CDYL2: variants seen among roughly 807,000 people sequenced by gnomAD.
CDYL2 encodes the protein chromodomain Y like 2.
Under a neutral mutation model 49.4 loss-of-function variants are expected in CDYL2, and 23 were observed. The observed-to-expected ratio is 0.47, with a 90% CI of 0.34 to 0.66. CDYL2 has a LOEUF of 0.66. CDYL2 is among the 30% of genes least tolerant of loss of function. The pLI, the probability that CDYL2 is intolerant of heterozygous loss-of-function variation, is 0.01. For missense variants in CDYL2, 678 were observed against 656.4 expected, an observed-to-expected ratio of 1.03 and a Z score of -0.36; for synonymous variants, 360 against 268.8, an observed-to-expected ratio of 1.34 and a Z score of -3.32.
chr16:80,780,397 CTT>C (rs1022730941), intron 1 of CDYL2, among the ~76,000 whole-genome samples: 8 of 105,346 alleles, frequency 7.6e-5, no homozygotes, highest in East Asian at 5.3e-4. Context: ...TGCACAATAT[CTT>C]TTTTTTTTTT....
intron 2 of CDYL2, among the ~76,000 whole-genome samples, chr16:80,637,315 A>T (rs1013008081): frequency 6.6e-6 from 1 of 152,226 alleles, no homozygotes; most frequent in Non-Finnish European, 1.5e-5. Context: ...CTTAGCGGTG[A>T]GAAATGGATG....
intron 1 of CDYL2, among the ~76,000 whole-genome samples, chr16:80,694,911 G>C (rs771419387): frequency 6.6e-6 from 1 of 152,166 alleles, no homozygotes; most frequent in Non-Finnish European, 1.5e-5. Context: ...TATCAAAAGG[G>C]CCAAATGAAA....
At chr16:80,674,175 C>T (rs1018515553) in intron 2 of CDYL2, among the ~76,000 whole-genome samples, 4 of 152,208 alleles carry the variant, frequency 2.6e-5, no homozygotes, top group Admixed American at 2.0e-4. Flanking sequence ...CGATTTCCCA[C>T]ATGGGAGCCT....
chr16:80,646,894 A>AG (rs895400465), intron 2 of CDYL2, among the ~76,000 whole-genome samples: 1 of 151,038 alleles, frequency 6.6e-6, no homozygotes, highest in African/African-American at 2.4e-5. Flanking sequence ...AATAGACTGA[A>AG]AAAAAAAAAG....
chr16:80,725,351 C>T (rs1182682550), intron 1 of CDYL2, among the ~76,000 whole-genome samples: 1 of 152,110 alleles, frequency 6.6e-6, no homozygotes, highest in Non-Finnish European at 1.5e-5. Context: ...CTTTTCTATC[C>T]CTTTACAACA....
intron 1 of CDYL2, among the ~76,000 whole-genome samples, chr16:80,764,264 G>C (rs959429287): frequency 2.0e-5 from 3 of 152,154 alleles, no homozygotes; most frequent in African/African-American, 4.8e-5. Context: ...AAACAGTAGA[G>C]AGTACCTAAG....
chr16:80,682,561 C>T (rs907343886), intron 2 of CDYL2, among the ~76,000 whole-genome samples: 1 of 152,194 alleles, frequency 6.6e-6, no homozygotes, highest in Non-Finnish European at 1.5e-5. Flanking sequence ...TTCTCTCCTT[C>T]ACACTGCAGA....
chr16:80,660,038 C>T (rs1431206466), intron 2 of CDYL2, among the ~76,000 whole-genome samples: 1 of 151,880 alleles, frequency 6.6e-6, no homozygotes, highest in African/African-American at 2.4e-5. Context: ...AAATGAGCTA[C>T]TATTCATCAA....
chr16:80,767,703 C>A (rs539314356), intron 1 of CDYL2, among the ~76,000 whole-genome samples: 7 of 152,278 alleles, frequency 4.6e-5, no homozygotes, highest in African/African-American at 1.7e-4. Flanking sequence ...TCTATGCAGT[C>A]ACAGGATGCT....
chr16:80,792,842 C>A (rs1907652980), intron 1 of CDYL2, among the ~76,000 whole-genome samples: 1 of 152,178 alleles, frequency 6.6e-6, no homozygotes, highest in South Asian at 2.1e-4. Context: ...GGTAACTACT[C>A]CGCCCAAGTC....
chr16:80,623,420 C>T (rs1429588370), intron 3 of CDYL2, among the ~76,000 whole-genome samples: 2 of 151,560 alleles, frequency 1.3e-5, no homozygotes, highest in African/African-American at 2.4e-5. Context: ...GCAAGATGTC[C>T]CCGTTTATAT....
At chr16:80,665,415 C>G (rs891688339) in intron 2 of CDYL2, among the ~76,000 whole-genome samples, 1 of 150,258 alleles carries the variant, frequency 6.7e-6, no homozygotes, top group African/African-American at 2.5e-5. Flanking sequence ...CTGGCACACA[C>G]GAGGGCTCAA....
At position 80,746,419 on chromosome 16, in the gene CDYL2, T is replaced by C. The variant is rs74410175; in HGVS notation, c.24+57731A>G. Among the ~76,000 whole-genome samples, 1,381 of 152,318 alleles carry C rather than the reference T, an allele frequency of 9.1e-3. 27 individuals are homozygous for C. Among genetic ancestry groups the C allele is most frequent in the African/African-American group, 0.031 (1,277 of 41,558 alleles). On this transcript the variant is annotated intron_variant, in intron 1 of 6. Transcript: ENST00000570137. Reference sequence around the variant, plus strand: ...ATGTTCCATTTGGCACCGACTCCAGTAGTGACCTCTTGTTCTCTTCTTACA... The same window carrying C: ...ATGTTCCATTTGGCACCGACTCCAGCAGTGACCTCTTGTTCTCTTCTTACA...
At chr16:80,671,884 G>T (rs192469281) in intron 2 of CDYL2, among the ~76,000 whole-genome samples, 1 of 152,140 alleles carries the variant, frequency 6.6e-6, no homozygotes, top group African/African-American at 2.4e-5. Flanking sequence ...AGAAAAAAAT[G>T]AAAGAAAACC....
intron 2 of CDYL2, chr16:80,671,080 G>A (rs973549195): frequency 2.5e-5 from 11 of 442,552 alleles, no homozygotes; most frequent in African/African-American, 4.1e-5. Flanking sequence ...CTCTCCTGCC[G>A]CAGCCCCTAC....
At chr16:80,692,805 G>C (rs1403622202) in intron 1 of CDYL2, among the ~76,000 whole-genome samples, 1 of 152,152 alleles carries the variant, frequency 6.6e-6, no homozygotes, top group Admixed American at 6.5e-5. Flanking sequence ...TTTATCACTA[G>C]AGTAACATGT....
chr16:80,786,453 G>T (rs1209931966), intron 1 of CDYL2, among the ~76,000 whole-genome samples: 3 of 152,186 alleles, frequency 2.0e-5, no homozygotes, highest in African/African-American at 7.2e-5. Context: ...TCATTCAGAA[G>T]TCAGGAAACA....
chr16:80,800,481 G>C (rs1032702540), intron 1 of CDYL2, among the ~76,000 whole-genome samples: 1 of 152,114 alleles, frequency 6.6e-6, no homozygotes. Flanking sequence ...AGTGGTGCGT[G>C]ATTTTGCAGA....
intron 1 of CDYL2, among the ~76,000 whole-genome samples, chr16:80,702,183 A>AACACAC (rs35071485): frequency 0.044 from 6,211 of 142,780 alleles, 219 homozygotes; most frequent in African/African-American, 0.1. Context: ...GAAGGCCTAA[A>AACACAC]ACACACACAC....
Sources: gnomAD v4.1 joint callset for allele counts (sites outside exome capture counted in the v4.1 genomes callset) on GRCh38, gnomAD v4.1.1 for gene constraint, MANE v1.5 for transcripts, NCBI Gene and HGNC (gene_info 2026-07-23, HGNC 2026-07-21) for gene names.